Variants in COPA observed in about 807,000 individuals in gnomAD.
COPA encodes the protein coat protein complex I subunit alpha.
COPA carries 10 observed loss-of-function variants against 158.7 expected under a neutral mutation model. That is an observed-to-expected ratio of 0.06 (90% CI 0.04 to 0.11). COPA has a LOEUF of 0.11. COPA is among the 10% of genes least tolerant of loss of function. COPA has a pLI of 1.00. For synonymous variants in COPA, 462 were observed against 542.8 expected (o/e 0.85, Z 2.07); for missense variants, 1,065 against 1,536.7 (o/e 0.69, Z 5.13).
At position 160,339,957 on chromosome 1, in the gene COPA, A is replaced by G. The variant is rs1571188478; in HGVS notation, c.180T>C (p.His60=). The change falls in exon 3 of 33, where the codon CAT becomes CAC. Residue 60 remains histidine, a synonymous_variant. Transcript: ENST00000241704. ...CAGAGACGAACAGTGGCTGCTGCTTATGGAAGTCAATGCCTCGCACTGGAC... is the reference window on the plus strand; with the variant it reads ...CAGAGACGAACAGTGGCTGCTGCTTGTGGAAGTCAATGCCTCGCACTGGAC... ...HDGPVRGIDF[H]KQQPLFVSGG... 7 of 1,614,104 alleles carry G rather than the reference A, an allele frequency of 4.3e-6. No individual in the cohort carries two copies. The East Asian group carries it at 1.6e-4, about 36-fold the overall frequency.
In COPA at chr1:160,290,674, G is replaced by A. The variant is rs747075563; in HGVS notation, c.3433C>T (p.Leu1145=). The A allele has an allele frequency of 4.3e-6, 7 of 1,613,990 alleles. No individual in the cohort carries two copies. Among genetic ancestry groups the A allele is most frequent in the Non-Finnish European group, 5.9e-6 (7 of 1,180,014 alleles). ...PEVAQQTRKI[L]SACEKNPTDA... is the part of the protein sequence containing the mutation. ...GTGGGATTCTTCTCACAGGCAGACAGGATTTTTCGGGTCTAGGGGAAGGAA... is the reference window on the plus strand; with the variant it reads ...GTGGGATTCTTCTCACAGGCAGACAAGATTTTTCGGGTCTAGGGGAAGGAA... The change falls in exon 32 of 33, where the codon CTG becomes TTG. Residue 1145 remains leucine (L), a synonymous_variant. Transcript: ENST00000241704.
At chr1:160,317,315 GAGA>G (rs1239339963) in intron 8 of COPA, 6 of 1,216,870 alleles carry the variant, frequency 4.9e-6, no homozygotes, top group Non-Finnish European at 7.3e-6. Context: ...GTGGGGAAGG[GAGA>G]AGGATTTGTA....
chr1:160,331,309 T>C (rs1171357142), intron 6 of COPA, among the ~76,000 whole-genome samples: 1 of 152,180 alleles, frequency 6.6e-6, no homozygotes, highest in African/African-American at 2.4e-5. Flanking sequence ...TTATCCCAAC[T>C]ATCCATAATC....
rs1317944 is a variant in COPA, at chr1:160,293,334, C to T, written c.2754+52G>A. 0.58 allele frequency: 928,987 copies of T among 1,607,822 alleles called. 273,786 individuals carry two copies. The highest frequency in any genetic ancestry group is 0.87 in the African/African-American group (64,931 of 74,832). ...AAAGTAGCCAACACCTGTTATATACCAATCAAGTATTAGCCACTCATCCCT... is the reference window on the plus strand; with the variant it reads ...AAAGTAGCCAACACCTGTTATATACTAATCAAGTATTAGCCACTCATCCCT... On this transcript the variant is annotated intron_variant, in intron 26 of 32. Coordinates refer to ENST00000241704, the MANE Select transcript of COPA (RefSeq NM_004371.4).
chr1:160,292,670 C>T (rs1348635003), intron 27 of COPA, 50 bp from the exon 28 acceptor site: 2 of 1,482,610 alleles, frequency 1.3e-6, no homozygotes, highest in Non-Finnish European at 1.8e-6. Flanking sequence ...GCATAAAAAG[C>T]TACTTTTCCT....
chr1:160,307,788 G>C (rs999476892), intron 13 of COPA, among the ~76,000 whole-genome samples: 5 of 152,240 alleles, frequency 3.3e-5, no homozygotes, highest in African/African-American at 9.7e-5. Context: ...TCACCCTGAA[G>C]AGAGTTACAA....
intron 1 of COPA, among the ~76,000 whole-genome samples, chr1:160,341,913 A>C (rs2101882772): frequency 6.6e-6 from 1 of 152,306 alleles, no homozygotes; most frequent in East Asian, 1.9e-4. Flanking sequence ...CCCAGCAAGA[A>C]ATTAGGAGCA....
intron 17 of COPA, among the ~76,000 whole-genome samples, chr1:160,305,051 C>G (rs1160947115): frequency 6.6e-6 from 1 of 151,982 alleles, no homozygotes; most frequent in Non-Finnish European, 1.5e-5. Context: ...AGTAAAATTA[C>G]AAAGAAAAGC....
chr1:160,318,476 A>AC (rs1659221290), intron 8 of COPA, among the ~76,000 whole-genome samples: 9 of 77,432 alleles, frequency 1.2e-4, no homozygotes, highest in Middle Eastern at 8.9e-3. Context: ...TGTAAAAAAA[A>AC]AAAAAAAAAA....
intron 13 of COPA, 47 bp from the exon 14 acceptor site, chr1:160,307,292 G>T (rs1385757195): frequency 1.3e-6 from 2 of 1,579,436 alleles, no homozygotes; most frequent in South Asian, 1.1e-5. Context: ...TGAGTCACTG[G>T]CAGGTGACAT....
At chr1:160,317,283 A>T in intron 8 of COPA, 1 of 851,772 alleles carries the variant, frequency 1.2e-6, no homozygotes, top group Non-Finnish European at 2.0e-6. Flanking sequence ...AGCGGAAGTT[A>T]CTGCAGCTGC....
At position 160,325,642 on chromosome 1, in the gene COPA, T is replaced by A. The variant is rs1659466061; in HGVS notation, c.507A>T (p.Lys169Asn). The change falls in exon 7 of 33, where the codon AAA becomes AAT. Residue 169 changes from lysine to asparagine, a missense_variant. Around this residue, in one of 2 missense-constraint regions of COPA, gnomAD observed 980 missense variants for 1,357.8 expected, o/e 0.72. Coordinates refer to ENST00000241704, the MANE Select transcript of COPA (RefSeq NM_004371.4). ...VRVWDISGLRKKNLSPGAVES... is the reference protein window; with the variant it reads ...VRVWDISGLRNKNLSPGAVES... Reference sequence around the variant, plus strand: ...CCACCGCACCAGGGGACAGGTTTTTTTTCCTCAGACCTTTGAAGGGATAAG... The same window carrying A: ...CCACCGCACCAGGGGACAGGTTTTTATTCCTCAGACCTTTGAAGGGATAAG... 2 of 1,613,998 alleles carry A rather than the reference T, an allele frequency of 1.2e-6. No homozygotes were observed. The highest frequency in any genetic ancestry group is 4.5e-5 in the East Asian group (2 of 44,894).
intron 6 of COPA, chr1:160,325,982 T>C (rs1659478552): frequency 4.8e-6 from 1 of 209,130 alleles, no homozygotes; most frequent in African/African-American, 2.3e-5. Context: ...TAATGCCCAC[T>C]TTCCATTCTT....
At chr1:160,333,851 A>G (rs1467000828) in intron 4 of COPA, among the ~76,000 whole-genome samples, 172 bp from the exon 5 acceptor site, 2 of 152,202 alleles carry the variant, frequency 1.3e-5, no homozygotes, top group Non-Finnish European at 2.9e-5. Flanking sequence ...CCACTCTAAC[A>G]GCTTTTCTCA....
At position 160,293,456 on chromosome 1, in the gene COPA, G is replaced by GATA; in HGVS notation, c.2681_2683dup (p.Ile894_Ser895insLeu). Reference sequence around the variant, plus strand: ...TTCAGCCCCACCAGCTGCCCCAGGGGATATATCCTAGGGGAAAAACAAAAA... The same window carrying GATA: ...TTCAGCCCCACCAGCTGCCCCAGGGGATAATATATCCTAGGGGAAAAACAAAAA... On this transcript the variant is annotated inframe_insertion, in exon 26 of 33. Coordinates refer to ENST00000241704, the MANE Select transcript of COPA (RefSeq NM_004371.4). The GATA allele has an allele frequency of 1.3e-6, 2 of 1,592,736 alleles. No individual in the cohort carries two copies. Among genetic ancestry groups the GATA allele is most frequent in the Non-Finnish European group, 1.7e-6 (2 of 1,173,476 alleles).
chr1:160,321,749 CTG>C (rs1296923508), intron 8 of COPA, among the ~76,000 whole-genome samples: 1 of 152,144 alleles, frequency 6.6e-6, no homozygotes, highest in African/African-American at 2.4e-5. Context: ...GATCGAGCCA[CTG>C]TACTCCAGCC....
intron 19 of COPA, 92 bp downstream of exon 19, chr1:160,298,753 A>G: frequency 1.5e-5 from 22 of 1,469,946 alleles, no homozygotes; most frequent in Non-Finnish European, 2.0e-5. Flanking sequence ...TATTCTGGCT[A>G]AAGAAGCAAG....
intron 17 of COPA, among the ~76,000 whole-genome samples, chr1:160,301,855 G>C (rs1388327720): frequency 6.7e-6 from 1 of 150,174 alleles, no homozygotes; most frequent in Non-Finnish European, 1.5e-5. Context: ...TTTTACCAAG[G>C]TAAAAAAAAA....
chr1:160,306,737 C>G (rs16831801), intron 14 of COPA, among the ~76,000 whole-genome samples: 313 of 152,310 alleles, frequency 2.1e-3, no homozygotes, highest in African/African-American at 7.1e-3. Flanking sequence ...CTGAATTTCT[C>G]AATGAATGAG....
Sources: gnomAD v4.1 joint callset for allele counts (sites outside exome capture counted in the v4.1 genomes callset) on GRCh38, gnomAD v4.1.1 for gene constraint, gnomAD v4.1.1 regional missense constraint, MANE v1.5 for transcripts, NCBI Gene and HGNC (gene_info 2026-07-23, HGNC 2026-07-21) for gene names.